SFMBT2: variants seen among roughly 807,000 people sequenced by gnomAD.
SFMBT2 encodes the protein Scm like with four mbt domains 2.
A neutral mutation model predicts 110.1 loss-of-function variants in SFMBT2; 38 were observed. That is an observed-to-expected ratio of 0.35 (90% CI 0.27 to 0.45). The LOEUF (loss-of-function observed/expected upper bound fraction) is 0.45, where lower values mean the gene tolerates loss of function less well. Among genes scored for constraint, SFMBT2 ranks in the 20% least tolerant of loss-of-function variants. The probability of loss-of-function intolerance (pLI) is 1.00; values close to 1 mark genes in which losing one functional copy is unlikely to be tolerated. For synonymous variants in SFMBT2, 425 were observed against 425.4 expected, an observed-to-expected ratio of 1.00 and a Z score of 0.01; for missense variants, 1,011 against 1,094.9, an observed-to-expected ratio of 0.92 and a Z score of 1.08.
intron 15 of SFMBT2, among the ~76,000 whole-genome samples, chr10:7,190,356 T>C (rs1838558443): frequency 1.3e-5 from 2 of 152,254 alleles, no homozygotes; most frequent in Non-Finnish European, 1.5e-5. Flanking sequence ...ATTCTTTTCA[T>C]TGGGTTTCGC....
At chr10:7,257,346 G>A (rs1248111262) in intron 7 of SFMBT2, among the ~76,000 whole-genome samples, 1 of 152,116 alleles carries the variant, frequency 6.6e-6, no homozygotes, top group Non-Finnish European at 1.5e-5. Flanking sequence ...TTCAACATCT[G>A]CCTCTGATGA....
intron 7 of SFMBT2, among the ~76,000 whole-genome samples, chr10:7,269,397 C>T (rs140719297): frequency 6.6e-6 from 1 of 152,262 alleles, no homozygotes; most frequent in Non-Finnish European, 1.5e-5. Context: ...ACACATCCCC[C>T]CAACGTGAGC....
At chr10:7,246,333 G>C (rs1840608304) in intron 8 of SFMBT2, 1 of 197,648 alleles carries the variant, frequency 5.1e-6, no homozygotes, top group South Asian at 1.8e-4. Flanking sequence ...GCTAGAAAAA[G>C]AGATTTGGGC....
chr10:7,316,214 T>C (rs1443893592), intron 4 of SFMBT2, among the ~76,000 whole-genome samples: 1 of 152,166 alleles, frequency 6.6e-6, no homozygotes, highest in Non-Finnish European at 1.5e-5. Context: ...AACAGCAATG[T>C]TTACAGCTGG....
Position 7,163,482 on chromosome 10 carries a change from TG to T in SFMBT2, c.*287del. ...CCTGCTCCAAGGGAGCTGCCTGATT[TG>T]GGGCAGGAGAAAGGCAAAACGTGGG... On this transcript the variant is annotated 3_prime_UTR_variant, in exon 21 of 21. Coordinates refer to ENST00000397167, the MANE Select transcript of SFMBT2 (RefSeq NM_001387889.1). This position sits in a 1 kb window ranked among gnomAD's most constrained non-coding sequence, Gnocchi z 4.8. 2.8e-6 allele frequency: 1 copy of T among 351,244 alleles called. No homozygotes were observed. The highest frequency in any genetic ancestry group is 4.3e-5 in the South Asian group (1 of 23,170). The allele number at this position is 351,244 out of a possible 1,614,324, so 21.8% of individuals were successfully genotyped here.
chr10:7,213,451 G>A (rs184093592), intron 11 of SFMBT2, among the ~76,000 whole-genome samples: 1 of 152,032 alleles, frequency 6.6e-6, no homozygotes, highest in Admixed American at 6.5e-5. Context: ...GGACTGAAGT[G>A]ACTCATGGGT....
intron 7 of SFMBT2, among the ~76,000 whole-genome samples, chr10:7,271,367 G>T (rs1472991802): frequency 2.0e-5 from 3 of 151,958 alleles, no homozygotes; most frequent in African/African-American, 7.3e-5. Flanking sequence ...TATTGGACAG[G>T]TATTTAATGA....
rs1466515218 is a variant in SFMBT2, at chr10:7,215,777, CTG to C, written c.1330+4632_1330+4633del. 4.1e-6 allele frequency: 4 copies of C among 974,808 alleles called. No homozygotes were observed. The African/African-American group carries it at 7.0e-5, about 17-fold the overall frequency. 60.4% of individuals were successfully genotyped at this position (974,808 alleles called of 1,614,324 possible). ...GACCTGCTTCCCTCCTCCTTCCCTG[CTG>C]TGTTTGGCTTGAGGGTCTACTAGGG... On this transcript the variant is annotated intron_variant, in intron 11 of 20. Transcript: ENST00000397167.
intron 16 of SFMBT2, among the ~76,000 whole-genome samples, chr10:7,179,632 C>T (rs1838187701): frequency 6.6e-6 from 1 of 152,098 alleles, no homozygotes; most frequent in Non-Finnish European, 1.5e-5. Flanking sequence ...GACATAAGAA[C>T]GCAGGAGAAA....
intron 4 of SFMBT2, among the ~76,000 whole-genome samples, chr10:7,345,522 C>A (rs1844082806): frequency 6.6e-6 from 1 of 152,126 alleles, no homozygotes. Flanking sequence ...CCACACCCGG[C>A]TAATTTTTGT....
At chr10:7,212,391 G>T (rs751515420) in intron 11 of SFMBT2, among the ~76,000 whole-genome samples, 1 of 152,166 alleles carries the variant, frequency 6.6e-6, no homozygotes. Flanking sequence ...TCACAGGACC[G>T]CCTGTAAAAA....
In SFMBT2 at chr10:7,170,839, T is replaced by G; in HGVS notation, c.2544+89A>C. The G allele has an allele frequency of 6.7e-7, 1 of 1,503,634 alleles. No individual in the cohort carries two copies. Among genetic ancestry groups the G allele is most frequent in the Non-Finnish European group, 9.2e-7 (1 of 1,091,402 alleles). 93.1% of individuals were successfully genotyped at this position (1,503,634 alleles called of 1,614,324 possible). On this transcript the variant is annotated intron_variant, in intron 20 of 20. Transcript: ENST00000397167. This position sits in a 1 kb window ranked among gnomAD's most constrained non-coding sequence, Gnocchi z 4.6. ...CAGCGCCGAAGAACCCCCTCGCAGG[T>G]GTCACGAGGAAGCCGGCTAGGACAC... is the stretch of plus-strand genomic sequence containing the variant.
chr10:7,320,154 A>G (rs1287444010), intron 4 of SFMBT2, among the ~76,000 whole-genome samples: 1 of 152,250 alleles, frequency 6.6e-6, no homozygotes, highest in Admixed American at 6.5e-5. Context: ...GGCCAGATGC[A>G]TGGCTCATTA....
intron 4 of SFMBT2, among the ~76,000 whole-genome samples, chr10:7,288,853 A>G (rs1479052487): frequency 7.3e-6 from 1 of 137,926 alleles, no homozygotes; most frequent in African/African-American, 2.7e-5. Flanking sequence ...ATATGGTGAA[A>G]CCCCCCCCCC....
intron 4 of SFMBT2, among the ~76,000 whole-genome samples, chr10:7,320,046 G>A (rs556775400): frequency 1.5e-4 from 22 of 151,338 alleles, no homozygotes; most frequent in Non-Finnish European, 2.9e-4. Context: ...GAGAGACAAA[G>A]ACAGACAGAG....
intron 11 of SFMBT2, chr10:7,206,622 T>C (rs1441873858): frequency 1.0e-6 from 1 of 967,750 alleles, no homozygotes; most frequent in Admixed American, 6.2e-5. Context: ...ATGTGGGACC[T>C]GATGACTGTC....
At chr10:7,255,918 C>T (rs1256681284) in intron 7 of SFMBT2, among the ~76,000 whole-genome samples, 2 of 152,224 alleles carry the variant, frequency 1.3e-5, no homozygotes, top group African/African-American at 4.8e-5. Context: ...TTTTCAGATG[C>T]TCAACAGACA....
intron 4 of SFMBT2, among the ~76,000 whole-genome samples, chr10:7,305,321 C>A (rs1227700973): frequency 6.6e-6 from 1 of 152,152 alleles, no homozygotes; most frequent in East Asian, 1.9e-4. Flanking sequence ...TATTTAGGTT[C>A]TTTTACAGAA....
intron 14 of SFMBT2, 108 bp downstream of exon 14, chr10:7,200,306 T>C: frequency 1.2e-6 from 1 of 853,270 alleles, no homozygotes; most frequent in Non-Finnish European, 1.7e-6. Flanking sequence ...AAAAACAGAA[T>C]AGGCTCAACG....
Sources: allele counts gnomAD v4.1 joint callset (sites outside exome capture counted in the v4.1 genomes callset), GRCh38; gene constraint gnomAD v4.1.1; non-coding constraint Gnocchi (gnomAD v3.1); transcripts MANE v1.5; gene names NCBI Gene and HGNC (gene_info 2026-07-23, HGNC 2026-07-21).